The following TBC1D9 variants were observed in gnomAD, a reference collection of about 807,000 sequenced individuals.
TBC1D9 encodes the protein TBC1 domain family member 9, also known as TBC1 domain family member 9A.
Under a neutral mutation model 132.0 loss-of-function variants are expected in TBC1D9, and 63 were observed. The observed-to-expected ratio is 0.48, with a 90% CI of 0.39 to 0.59. TBC1D9 has a LOEUF of 0.59. Among genes scored for constraint, TBC1D9 ranks in the 20% least tolerant of loss-of-function variants. TBC1D9 has a pLI of 0.00. For missense variants in TBC1D9, 1,261 were observed against 1,592.7 expected, an observed-to-expected ratio of 0.79 and a Z score of 3.54; for synonymous variants, 610 against 609.9, an observed-to-expected ratio of 1.00 and a Z score of 0.00.
chr4:140,645,342 T>C (rs1057452194), intron 13 of TBC1D9: 6 of 500,672 alleles, frequency 1.2e-5, no homozygotes, highest in African/African-American at 9.8e-5. Context: ...CTGCTGCCAC[T>C]ATCCTTCTGC....
At chr4:140,703,392 A>G (rs1738101185) in intron 1 of TBC1D9, among the ~76,000 whole-genome samples, 2 of 152,096 alleles carry the variant, frequency 1.3e-5, no homozygotes, top group Admixed American at 1.3e-4. Context: ...TTCACTTCCC[A>G]CTGCTCTGGC....
intron 2 of TBC1D9, chr4:140,700,918 A>T (rs1026969721): frequency 2.0e-5 from 3 of 152,494 alleles, no homozygotes; most frequent in African/African-American, 7.2e-5. Context: ...ATCAATGGAG[A>T]TAGCTCATGA....
intron 6 of TBC1D9, among the ~76,000 whole-genome samples, chr4:140,671,422 C>G (rs1214305648): frequency 1.3e-5 from 2 of 152,120 alleles, no homozygotes; most frequent in Non-Finnish European, 2.9e-5. Flanking sequence ...TTTCATGGAG[C>G]TATAAGAGAG....
rs138113974 is a variant in TBC1D9, at chr4:140,687,321, ATGTG to A, written c.242-863_242-860del. Among the ~76,000 whole-genome samples, 353 of 97,460 alleles carry A rather than the reference ATGTG, an allele frequency of 3.6e-3. 18 individuals are homozygous for A. Among genetic ancestry groups the A allele is most frequent in the African/African-American group, 0.012 (304 of 26,370 alleles). The allele number at this position is 97,460 out of a possible 152,430, so 63.9% of individuals were successfully genotyped here. A position where few individuals can be genotyped will look rare whatever the true frequency, so the allele number is the denominator to read the frequency against. ...ATATATATGTGTGCCATATATATAT[ATGTG>A]TGTGTGTGTGTGTGTGTCATATATA... is the stretch of plus-strand genomic sequence containing the variant. On this transcript the variant is annotated intron_variant, in intron 2 of 20. Coordinates refer to ENST00000442267, the MANE Select transcript of TBC1D9 (RefSeq NM_015130.3).
Position 140,706,277 on chromosome 4 carries a change from C to T in TBC1D9, c.131-4663G>A, listed in dbSNP as rs573690379. On this transcript the variant is annotated intron_variant, in intron 1 of 20. Coordinates refer to ENST00000442267, the MANE Select transcript of TBC1D9 (RefSeq NM_015130.3). This position sits in a 1 kb window ranked among gnomAD's most constrained non-coding sequence, Gnocchi z 4.0. The stretch of plus-strand genomic sequence containing the variant: ...GCCTCCCCGACTCCATTAGTCCTGA[C>T]GCTGGTCCAAAATGAAGCAGAGATC... Among the ~76,000 whole-genome samples, 123 of 152,182 alleles carry T rather than the reference C, an allele frequency of 8.1e-4. No homozygotes were observed. The highest frequency in any genetic ancestry group is 1.4e-3 in the Non-Finnish European group (93 of 68,032).
At chr4:140,752,407 T>C (rs1738940141) in intron 1 of TBC1D9, among the ~76,000 whole-genome samples, 1 of 152,136 alleles carries the variant, frequency 6.6e-6, no homozygotes, top group Non-Finnish European at 1.5e-5. Context: ...ATATGTTCTT[T>C]GGAAAAACTA....
intron 13 of TBC1D9, chr4:140,644,084 C>T (rs1176754451): frequency 4.9e-6 from 2 of 409,844 alleles, no homozygotes; most frequent in African/African-American, 2.0e-5. Context: ...CAGCTGGGAG[C>T]AGCACATCAG....
chr4:140,732,839 G>T (rs972569134), intron 1 of TBC1D9, among the ~76,000 whole-genome samples: 1 of 152,118 alleles, frequency 6.6e-6, no homozygotes, highest in Non-Finnish European at 1.5e-5. Context: ...ATCAGGAAAT[G>T]AAAATTCCTA....
chr4:140,693,733 T>C (rs1737910767), intron 2 of TBC1D9, among the ~76,000 whole-genome samples: 2 of 152,210 alleles, frequency 1.3e-5, no homozygotes, highest in Admixed American at 1.3e-4. Flanking sequence ...CCAACTAACA[T>C]ACATTTAGCA....
Position 140,622,860 on chromosome 4 carries a change from C to T in TBC1D9, c.3136G>A (p.Glu1046Lys). ...MYNMFSEDPN[E>K]QELYHATAAV... ...GCCGTGGCGTGGTACAGCTCCTGCT[C>T]ATTGGGGTCTTCGCTGAACATGTTA... is the stretch of plus-strand genomic sequence containing the variant. The change falls in exon 21 of 21, where the codon GAG becomes AAG. Residue 1046 changes from glutamate (E) to lysine (K), a missense_variant. By Grantham distance (56) the Glu-to-Lys change is moderately conservative. Transcript: ENST00000442267. 1.3e-6 allele frequency: 2 copies of T among 1,590,936 alleles called. No individual in the cohort carries two copies. The highest frequency in any genetic ancestry group is 1.7e-6 in the Non-Finnish European group (2 of 1,171,188).
In TBC1D9 at chr4:140,662,004, T is replaced by C; in HGVS notation, c.1692A>G (p.Leu564=). Reference sequence around the variant, plus strand: ...CTGGGTGTTCTGGAAGGGAGCGGTGTAAATCCCTCTCAATCTCCTCCGTGG... The same window carrying C: ...CTGGGTGTTCTGGAAGGGAGCGGTGCAAATCCCTCTCAATCTCCTCCGTGG... ...NLATEEIERD[L]HRSLPEHPAF... The change falls in exon 10 of 21, where the codon TTA becomes TTG. Residue 564 remains leucine, a synonymous_variant. Coordinates refer to ENST00000442267, the MANE Select transcript of TBC1D9 (RefSeq NM_015130.3). 6.2e-7 allele frequency: 1 copy of C among 1,613,966 alleles called. No homozygotes were observed. The highest frequency in any genetic ancestry group is 1.7e-5 in the Admixed American group (1 of 60,020).
At chr4:140,727,127 G>A (rs1676413947) in intron 1 of TBC1D9, among the ~76,000 whole-genome samples, 1 of 152,154 alleles carries the variant, frequency 6.6e-6, no homozygotes, top group East Asian at 1.9e-4. Flanking sequence ...AGAGAACTTA[G>A]ACTCTGAGAG....
rs1331086023 is a variant in TBC1D9 at position 140,669,823 on chromosome 4, A to G, written c.1267-19T>C. On this transcript the variant is annotated intron_variant, in intron 7 of 20. Transcript: ENST00000442267. Reference sequence around the variant, plus strand: ...AGTACACCTGTCAATACAGAGAGGAACAAGACATTGGGAGGACACGGGCAA... The same window carrying G: ...AGTACACCTGTCAATACAGAGAGGAGCAAGACATTGGGAGGACACGGGCAA... The G allele has an allele frequency of 1.3e-6, 2 of 1,598,896 alleles. No homozygotes were observed. Among genetic ancestry groups the G allele is most frequent in the Non-Finnish European group, 1.7e-6 (2 of 1,167,760 alleles).
At chr4:140,723,948 G>A (rs1331269706) in intron 1 of TBC1D9, among the ~76,000 whole-genome samples, 1 of 151,950 alleles carries the variant, frequency 6.6e-6, no homozygotes, top group Non-Finnish European at 1.5e-5. Flanking sequence ...TGACTATTTT[G>A]CCTAGGCTGG....
intron 1 of TBC1D9, among the ~76,000 whole-genome samples, chr4:140,747,387 C>T (rs1030528140): frequency 2.6e-5 from 4 of 151,848 alleles, no homozygotes; most frequent in African/African-American, 9.7e-5. Flanking sequence ...ATCAAATAGG[C>T]TCACACTTAT....
At chr4:140,752,677 A>C (rs1430375535) in intron 1 of TBC1D9, among the ~76,000 whole-genome samples, 1 of 152,216 alleles carries the variant, frequency 6.6e-6, no homozygotes, top group Admixed American at 6.5e-5. Flanking sequence ...GGGGTTAAAT[A>C]AATCAATCAA....
intron 1 of TBC1D9, among the ~76,000 whole-genome samples, chr4:140,738,131 T>C (rs116767265): frequency 1.4e-4 from 22 of 152,324 alleles, no homozygotes; most frequent in African/African-American, 5.0e-4. Context: ...AAAATCAACA[T>C]GGTATGTCAA....
At position 140,679,165 on chromosome 4, in the gene TBC1D9, C is replaced by T. The variant is rs1222599066; in HGVS notation, c.628G>A (p.Glu210Lys). Residue 210 changes from glutamate (E) to lysine (K), a missense_variant, in exon 5 of 21, where the codon GAG becomes AAG. Glu to Lys is a moderately conservative substitution (Grantham distance 56, BLOSUM62 1). Coordinates refer to ENST00000442267, the MANE Select transcript of TBC1D9 (RefSeq NM_015130.3). ...GGCAGAAGCAGGGTGGCATTCTTCT[C>T]AAGCTGAGTGATGTCTACCCACCGG... ...VIRWVDITQL[E>K]KNATLLLPDV... is the part of the protein sequence containing the mutation. 2 of 1,613,800 alleles carry T rather than the reference C, an allele frequency of 1.2e-6. No individual in the cohort carries two copies. The highest frequency in any genetic ancestry group is 1.7e-5 in the Admixed American group (1 of 60,004).
intron 12 of TBC1D9, 46 bp from the exon 13 acceptor site, chr4:140,657,272 C>A: frequency 3.1e-6 from 5 of 1,596,408 alleles, no homozygotes; most frequent in Non-Finnish European, 3.4e-6. Flanking sequence ...AAACTGGAAT[C>A]CTCCCATTAT....
Sources: gnomAD v4.1 joint callset for allele counts (sites outside exome capture counted in the v4.1 genomes callset) on GRCh38, gnomAD v4.1.1 for gene constraint, Gnocchi (gnomAD v3.1) non-coding constraint, MANE v1.5 for transcripts, NCBI Gene and HGNC (gene_info 2026-07-23, HGNC 2026-07-21) for gene names.